Variants in LY6H observed in about 807,000 individuals in gnomAD.
LY6H encodes the protein lymphocyte antigen 6H.
In LY6H, 8 loss-of-function variants were observed where a neutral mutation model predicts 14.6. That is an observed-to-expected ratio of 0.55 (90% CI 0.32 to 0.99). The LOEUF is 0.99. Ranked by LOEUF, LY6H falls within the 50% of genes least tolerant of loss-of-function variation. The pLI is 0.04. For missense variants in LY6H, 196 were observed against 219.6 expected (o/e 0.89, Z 0.68); for synonymous variants, 115 against 97.2 (o/e 1.18, Z -1.08).
At chr8:143,159,361 C>T in intron 2 of LY6H, 1 of 573,468 alleles carries the variant, frequency 1.7e-6, no homozygotes, top group South Asian at 2.5e-5. Flanking sequence ...GGGCCAGCCG[C>T]CCACCAGTTC....
intron 2 of LY6H, 44 bp downstream of exon 2, chr8:143,159,538 G>A (rs908052939): frequency 6.2e-6 from 9 of 1,459,032 alleles, no homozygotes; most frequent in African/African-American, 1.5e-5. Context: ...CGGCGCCTCG[G>A]GCTCTCCCAG....
In LY6H at chr8:143,158,255, G is replaced by A; in HGVS notation, c.481C>T (p.Pro161Ser). 6.2e-7 allele frequency: 1 copy of A among 1,609,462 alleles called. No homozygotes were observed. The highest frequency in any genetic ancestry group is 8.5e-7 in the Non-Finnish European group (1 of 1,177,222). ...CCCGTGGGAAGGAGGAGACATCAGGGCCCAGCCCAGAGGAGGGCAGGCCCC... is the reference window on the plus strand; with the variant it reads ...CCCGTGGGAAGGAGGAGACATCAGGACCCAGCCCAGAGGAGGGCAGGCCCC... ...SLGPALLWAG[P>S] The change falls in exon 4 of 4, where the codon CCC becomes TCC. Residue 161 changes from proline (P) to serine (S), a missense_variant. Transcript: ENST00000342752.
rs958831103 is a variant in LY6H, at chr8:143,158,003, C to A, written c.*247G>T. The A allele has an allele frequency of 1.1e-5, 5 of 447,746 alleles. No individual in the cohort carries two copies. The highest frequency in any genetic ancestry group is 4.0e-5 in the African/African-American group (2 of 49,562). The allele number at this position is 447,746 out of a possible 1,614,324, so 27.7% of individuals were successfully genotyped here. On this transcript the variant is annotated 3_prime_UTR_variant, in exon 4 of 4. Coordinates refer to ENST00000342752, the MANE Select transcript of LY6H (RefSeq NM_001135655.2). ...CACTTCCCCTCCGGGACCTGGGGGT[C>A]CCCCCCCACCCTCATCCCCAGGCCT...
Position 143,158,277 on chromosome 8 carries a change from C to T in LY6H, c.459G>A (p.Gly153=). 1 of 1,612,510 alleles carries T rather than the reference C, an allele frequency of 6.2e-7. No individual in the cohort carries two copies. Among genetic ancestry groups the T allele is most frequent in the Non-Finnish European group, 8.5e-7 (1 of 1,179,104 alleles). The change falls in exon 4 of 4, where the codon GGG becomes GGA. Residue 153 remains glycine, a synonymous_variant. Transcript: ENST00000342752. ...ALAGGLLLSL[G]PALLWAGP ...AGGGCCCAGCCCAGAGGAGGGCAGG[C>T]CCCAGGCTGAGCAGGAGCCCCCCGG... is the stretch of plus-strand genomic sequence containing the variant.
At chr8:143,160,361 G>C, upstream of LY6H, 1 of 353,310 alleles carries the variant, frequency 2.8e-6, no homozygotes, top group Non-Finnish European at 4.5e-6. Flanking sequence ...CCGGGGCGGG[G>C]GCCGCGCGGG....
Position 143,158,064 on chromosome 8 carries a change from G to T in LY6H, c.*186C>A. ...TGGCCTGGTTTCCTGGAGATGTCCA[G>T]CTGCCTGGGACTCAGAGCTGGCGGA... On this transcript the variant is annotated 3_prime_UTR_variant, in exon 4 of 4. Transcript: ENST00000342752. The T allele has an allele frequency of 3.5e-6, 2 of 571,420 alleles. No homozygotes were observed. Among genetic ancestry groups the T allele is most frequent in the Non-Finnish European group, 6.2e-6 (2 of 323,904 alleles). 35.4% of individuals were successfully genotyped at this position (571,420 alleles called of 1,614,324 possible).
Position 143,157,946 on chromosome 8 carries a change from C to T in LY6H, c.*304G>A, listed in dbSNP as rs961309134. 7.3e-6 allele frequency: 3 copies of T among 413,272 alleles called. No individual in the cohort carries two copies. The highest frequency in any genetic ancestry group is 6.2e-5 in the African/African-American group (3 of 48,764). The allele number at this position is 413,272 out of a possible 1,614,324, so 25.6% of individuals were successfully genotyped here. On this transcript the variant is annotated 3_prime_UTR_variant, in exon 4 of 4. Coordinates refer to ENST00000342752, the MANE Select transcript of LY6H (RefSeq NM_001135655.2). ...ACTCAAAAGTGACTTTATTTCTCCG[C>T]AGAAGACGCCCTTCCAGCTGGGCTG... is the stretch of plus-strand genomic sequence containing the variant.
At position 143,158,469 on chromosome 8, in the gene LY6H, C is replaced by T. The variant is rs763754575; in HGVS notation, c.267G>A (p.Ser89=). 3 of 1,613,314 alleles carry T rather than the reference C, an allele frequency of 1.9e-6. No homozygotes were observed. Among genetic ancestry groups the T allele is most frequent in the African/African-American group, 1.3e-5 (1 of 75,032 alleles). The part of the protein sequence containing the change: ...TDPSSSRKDH[S]VNKMCASSCD... ...AGGAGGAGGCACACATCTTGTTCAC[C>T]GAGTGATCCTTCCTGCCTGGGAAGA... is the stretch of plus-strand genomic sequence containing the variant. The change falls in exon 4 of 4, where the codon TCG becomes TCA. Residue 89 remains serine, a synonymous_variant. Coordinates refer to ENST00000342752, the MANE Select transcript of LY6H (RefSeq NM_001135655.2).
Position 143,160,233 on chromosome 8 carries a change from G to T in LY6H, c.-34C>A, listed in dbSNP as rs752448475. The T allele has an allele frequency of 5.5e-6, 7 of 1,281,246 alleles. No individual in the cohort carries two copies. In the South Asian group the frequency reaches 1.0e-4, roughly 19 times the overall value. 79.4% of individuals were successfully genotyped at this position (1,281,246 alleles called of 1,614,324 possible). ...TGTCCGCACTCCGGGCTCGGGCGGC[G>T]TGCGCGGCGCGGGGAGCTGTGCCCT... On this transcript the variant is annotated 5_prime_UTR_variant, in exon 1 of 4. Coordinates refer to ENST00000342752, the MANE Select transcript of LY6H (RefSeq NM_001135655.2).
rs1010291592 is a variant in LY6H at position 143,160,112 on chromosome 8, C to T, written c.2+86G>A. On this transcript the variant is annotated intron_variant, in intron 1 of 3. Transcript: ENST00000342752. ...GGGGCCGGGAACCCCGGGCCGAGTC[C>T]CCTCCCTTGGCCTTCCGCGCGCGCC... 14 of 1,149,848 alleles carry T rather than the reference C, an allele frequency of 1.2e-5. No individual in the cohort carries two copies. The South Asian group carries it at 5.5e-4, about 45-fold the overall frequency. 71.2% of individuals were successfully genotyped at this position (1,149,848 alleles called of 1,614,324 possible). A position where few individuals can be genotyped will look rare whatever the true frequency, so the allele number is the denominator to read the frequency against.
In LY6H at chr8:143,159,504, G is replaced by A. The variant is rs1815540384; in HGVS notation, c.130+78C>T. The A allele has an allele frequency of 1.4e-5, 19 of 1,402,300 alleles. No homozygotes were observed. The South Asian group carries it at 2.9e-4, about 21-fold the overall frequency. The allele number at this position is 1,402,300 out of a possible 1,614,324, so 86.9% of individuals were successfully genotyped here. On this transcript the variant is annotated intron_variant, in intron 2 of 3. Coordinates refer to ENST00000342752, the MANE Select transcript of LY6H (RefSeq NM_001135655.2). ...GTGCGGTGGGAACCGTCAGAGGGTG[G>A]CAGCCCCACACCCGGCTCTCCCGCG... is the stretch of plus-strand genomic sequence containing the variant.
intron 1 of LY6H, 152 bp downstream of exon 1, chr8:143,160,046 G>T: frequency 3.1e-6 from 3 of 982,100 alleles, no homozygotes; most frequent in Non-Finnish European, 3.9e-6. Flanking sequence ...CCACTGGGGG[G>T]AGGGGCGCGT....
In LY6H at chr8:143,158,865, G is replaced by A; in HGVS notation, c.188C>T (p.Pro63Leu). ...TLTTNSSHCT[P>L]KQCQPSDTVC... ...CGTGTCGGACGGCTGGCACTGCTTT[G>A]GGGTGCAATGGCTGGAGTTGGTGGT... The change falls in exon 3 of 4, where the codon CCA becomes CTA. Residue 63 changes from proline (P) to leucine (L), a missense_variant. Coordinates refer to ENST00000342752, the MANE Select transcript of LY6H (RefSeq NM_001135655.2). The A allele has an allele frequency of 6.2e-7, 1 of 1,612,418 alleles. No individual in the cohort carries two copies. Among genetic ancestry groups the A allele is most frequent in the Non-Finnish European group, 8.5e-7 (1 of 1,178,794 alleles).
intron 1 of LY6H, 51 bp from the exon 2 acceptor site, chr8:143,159,760 C>T: frequency 7.6e-7 from 1 of 1,320,016 alleles, no homozygotes; most frequent in East Asian, 3.1e-5. Context: ...TCTCCTTTCC[C>T]AGCCTCAGGA....
At position 143,159,411 on chromosome 8, in the gene LY6H, G is replaced by C. The variant is rs896494728; in HGVS notation, c.130+171C>G. 21 of 717,830 alleles carry C rather than the reference G, an allele frequency of 2.9e-5. No individual in the cohort carries two copies. The African/African-American group carries it at 4.0e-4, about 14-fold the overall frequency. The allele number at this position is 717,830 out of a possible 1,614,324, so 44.5% of individuals were successfully genotyped here. A position where few individuals can be genotyped will look rare whatever the true frequency, so the allele number is the denominator to read the frequency against. On this transcript the variant is annotated intron_variant, in intron 2 of 3. Transcript: ENST00000342752. ...AGAGCGCTGGAGAGAGCCCAGTGCCGGGGCAGAGGGGCCGAGGGCCGGGCT... is the reference window on the plus strand; with the variant it reads ...AGAGCGCTGGAGAGAGCCCAGTGCCCGGGCAGAGGGGCCGAGGGCCGGGCT...
In LY6H at chr8:143,158,091, A is replaced by G; in HGVS notation, c.*159T>C. On this transcript the variant is annotated 3_prime_UTR_variant, in exon 4 of 4. Transcript: ENST00000342752. The stretch of plus-strand genomic sequence containing the variant: ...TGCCTGGGACTCAGAGCTGGCGGAG[A>G]GACAGGGAGGCTTCACGTCGGGGGA... The G allele has an allele frequency of 1.7e-6, 1 of 589,492 alleles. No homozygotes were observed. Among genetic ancestry groups the G allele is most frequent in the Non-Finnish European group, 3.0e-6 (1 of 333,152 alleles). 36.5% of individuals were successfully genotyped at this position (589,492 alleles called of 1,614,324 possible). A position where few individuals can be genotyped will look rare whatever the true frequency, so the allele number is the denominator to read the frequency against.
chr8:143,160,333 G>GC, upstream of LY6H: 1 of 684,370 alleles, frequency 1.5e-6, no homozygotes, highest in Non-Finnish European at 2.0e-6. Context: ...CGGACCCCGC[G>GC]CGAGGGGCGG....
chr8:143,159,404 C>CAGCGCTGGAGAGAGCGCTGGAG, intron 2 of LY6H, 178 bp downstream of exon 2: 1 of 681,084 alleles, frequency 1.5e-6, no homozygotes, highest in South Asian at 2.3e-5. Context: ...GGAGAGAGCC[C>CAGCGCTGGAGAGAGCGCTGGAG]AGTGCCGGGG....
At chr8:143,160,324 G>A (rs1815569765), upstream of LY6H, 1 of 793,244 alleles carries the variant, frequency 1.3e-6, no homozygotes, top group Admixed American at 4.5e-5. Context: ...CCGCAGACGC[G>A]GACCCCGCGC....
Sources: gnomAD v4.1 joint callset for allele counts on GRCh38, gnomAD v4.1.1 for gene constraint, MANE v1.5 for transcripts, NCBI Gene and HGNC (gene_info 2026-07-23, HGNC 2026-07-21) for gene names.